Variants in OR51L1 observed in about 807,000 individuals in gnomAD.
The protein encoded by OR51L1 is olfactory receptor 51L1.
OR51L1 carries 1 observed loss-of-function variant against 1.4 expected under a neutral mutation model. The observed-to-expected ratio is 0.72, with a 90% confidence interval of 0.26 to 3.42. The LOEUF (loss-of-function observed/expected upper bound fraction) is 3.42. OR51L1 is among the 30% of genes most tolerant of loss of function. OR51L1 has a pLI of 0.20. For synonymous variants in OR51L1, 156 were observed against 144.2 expected, an observed-to-expected ratio of 1.08 and a Z score of -0.59; for missense variants, 378 against 380.0, an observed-to-expected ratio of 0.99 and a Z score of 0.04.
At position 5,005,208 on chromosome 11, in the gene OR51L1, A is replaced by G. The variant is rs1490435704; in HGVS notation, c.*5278A>G. ...CCTAAAACTCCACACCGATTATGTC[A>G]CTTACAAGTTTATCTTCCCAGGTGC... On this transcript the variant is annotated 3_prime_UTR_variant, in exon 3 of 3. Transcript: ENST00000641819. The G allele has an allele frequency of 6.6e-6, 1 of 152,320 alleles. No individual in the cohort carries two copies. Among genetic ancestry groups the G allele is most frequent in the East Asian group, 1.9e-4 (1 of 5,186 alleles). 9.4% of individuals were successfully genotyped at this position (152,320 alleles called of 1,614,324 possible). A position where few individuals can be genotyped will look rare whatever the true frequency, so the allele number is the denominator to read the frequency against.
In OR51L1 at chr11:4,999,661, G is replaced by T; in HGVS notation, c.679G>T (p.Val227Leu). ...LLSYVLILNT[V>L]LDIASREEQL... ...TTCTTATGTTCTGATTCTTAATACT[G>T]TGCTGGATATTGCATCTCGTGAAGA... Residue 227 changes from valine to leucine, a missense_variant, in exon 3 of 3, where the codon GTG (valine) becomes TTG (leucine). Physicochemically the swap from Val to Leu is conservative, Grantham distance 32. Transcript: ENST00000641819. 2 of 1,613,902 alleles carry T rather than the reference G, an allele frequency of 1.2e-6. No individual in the cohort carries two copies. Among genetic ancestry groups the T allele is most frequent in the Non-Finnish European group, 1.7e-6 (2 of 1,179,954 alleles).
At chr11:4,995,730 G>T (rs1428409738) in intron 1 of OR51L1, among the ~76,000 whole-genome samples, 1 of 151,812 alleles carries the variant, frequency 6.6e-6, no homozygotes, top group Non-Finnish European at 1.5e-5. Flanking sequence ...TTTCTCTTTC[G>T]ACCTCAGTGT....
In OR51L1 at chr11:4,999,562, G is replaced by A; in HGVS notation, c.580G>A (p.Ala194Thr). Residue 194 changes from alanine (A) to threonine (T), a missense_variant, in exon 3 of 3, where the codon GCC becomes ACC. Ala to Thr is a moderately conservative substitution (Grantham distance 58). Coordinates refer to ENST00000641819, the MANE Select transcript of OR51L1 (RefSeq NM_001004755.2). Reference protein sequence around the residue: ...QDVLRLSCTDARTNSIYGLCV... With the variant: ...QDVLRLSCTDTRTNSIYGLCV... ...TGTTCTAAGATTATCCTGTACAGAT[G>A]CCAGGACCAACAGTATTTATGGGCT... 6.2e-7 allele frequency: 1 copy of A among 1,613,912 alleles called. No individual in the cohort carries two copies. The highest frequency in any genetic ancestry group is 1.1e-5 in the South Asian group (1 of 91,080).
Position 5,002,699 on chromosome 11 carries a change from A to G in OR51L1, c.*2769A>G, listed in dbSNP as rs1405126805. 6.6e-6 allele frequency: 1 copy of G among 152,166 alleles called. No individual in the cohort carries two copies. The allele number at this position is 152,166 out of a possible 1,614,324, so 9.4% of individuals were successfully genotyped here. ...AATTTCACTGGGCAATTTTATATCC[A>G]GGACTCCCCGTGATGTTGGACAAGG... On this transcript the variant is annotated 3_prime_UTR_variant, in exon 3 of 3. Transcript: ENST00000641819.
At chr11:4,997,880 T>G (rs1263338178) in intron 2 of OR51L1, among the ~76,000 whole-genome samples, 1 of 152,140 alleles carries the variant, frequency 6.6e-6, no homozygotes, top group African/African-American at 2.4e-5. Context: ...AATTCTGGAT[T>G]GTCATGAGTT....
rs1426550608 is a variant in OR51L1 at position 5,004,748 on chromosome 11, ATAAC to A, written c.*4820_*4823del. On this transcript the variant is annotated 3_prime_UTR_variant, in exon 3 of 3. Coordinates refer to ENST00000641819, the MANE Select transcript of OR51L1 (RefSeq NM_001004755.2). ...TATTTGAAACTGGGACAATAAATAA[ATAAC>A]TGACACATTTGCTGATATTATCAAT... 1.3e-5 allele frequency: 2 copies of A among 152,154 alleles called. No individual in the cohort carries two copies. The highest frequency in any genetic ancestry group is 2.9e-5 in the Non-Finnish European group (2 of 68,008). The allele number at this position is 152,154 out of a possible 1,614,324, so 9.4% of individuals were successfully genotyped here. A position where few individuals can be genotyped will look rare whatever the true frequency, so the allele number is the denominator to read the frequency against.
Position 5,003,165 on chromosome 11 carries a change from G to A in OR51L1, c.*3235G>A, listed in dbSNP as rs146797840. The A allele has an allele frequency of 2.0e-5, 3 of 152,262 alleles. No individual in the cohort carries two copies. Among genetic ancestry groups the A allele is most frequent in the African/African-American group, 4.8e-5 (2 of 41,548 alleles). 9.4% of individuals were successfully genotyped at this position (152,262 alleles called of 1,614,324 possible). ...AAAGTACGCTTGGAAGAGACCCAAGGGTAAATTGAAGGACAAGTGCTGTGT... is the reference window on the plus strand; with the variant it reads ...AAAGTACGCTTGGAAGAGACCCAAGAGTAAATTGAAGGACAAGTGCTGTGT... On this transcript the variant is annotated 3_prime_UTR_variant, in exon 3 of 3. Transcript: ENST00000641819.
At position 5,003,048 on chromosome 11, in the gene OR51L1, G is replaced by T. The variant is rs1189675789; in HGVS notation, c.*3118G>T. Reference sequence around the variant, plus strand: ...TTTGCCTCCTCAGAAGAAAGAAATTGACTGAGGGGCATAAGGCAGAGAAAG... The same window carrying T: ...TTTGCCTCCTCAGAAGAAAGAAATTTACTGAGGGGCATAAGGCAGAGAAAG... On this transcript the variant is annotated 3_prime_UTR_variant, in exon 3 of 3. Coordinates refer to ENST00000641819, the MANE Select transcript of OR51L1 (RefSeq NM_001004755.2). The T allele has an allele frequency of 6.6e-6, 1 of 152,182 alleles. No individual in the cohort carries two copies. The highest frequency in any genetic ancestry group is 1.5e-5 in the Non-Finnish European group (1 of 68,034). 9.4% of individuals were successfully genotyped at this position (152,182 alleles called of 1,614,324 possible). A position where few individuals can be genotyped will look rare whatever the true frequency, so the allele number is the denominator to read the frequency against.
Position 4,999,165 on chromosome 11 carries a change from G to C in OR51L1, c.183G>C (p.Met61Ile). ...TAGAATCCTCTCTCCATCAGCCCAT[G>C]TATTACTTTATTTCCATCTTAGCAG... is the stretch of plus-strand genomic sequence containing the variant. ...IWIESSLHQP[M>I]YYFISILAVN... The change falls in exon 3 of 3, where the codon ATG becomes ATC. Residue 61 changes from methionine (M) to isoleucine (I), a missense_variant. Physicochemically the swap from Met to Ile is conservative, Grantham distance 10 (BLOSUM62 1). Transcript: ENST00000641819. 6.2e-7 allele frequency: 1 copy of C among 1,613,992 alleles called. No homozygotes were observed. The highest frequency in any genetic ancestry group is 8.5e-7 in the Non-Finnish European group (1 of 1,179,880).
intron 2 of OR51L1, among the ~76,000 whole-genome samples, chr11:4,998,280 A>G (rs12420323): frequency 6.7e-6 from 1 of 150,270 alleles, no homozygotes; most frequent in Non-Finnish European, 1.5e-5. Flanking sequence ...TTTACCGTGA[A>G]TTTTTTTTTA....
rs1489340678 is a variant in OR51L1, at chr11:4,999,219, A to G, written c.237A>G (p.Thr79=). The change falls in exon 3 of 3, where the codon ACA becomes ACG. Residue 79 remains threonine (T), a synonymous_variant. Coordinates refer to ENST00000641819, the MANE Select transcript of OR51L1 (RefSeq NM_001004755.2). ...ATGACCTGGGGATGTCCCTGTCTAC[A>G]CTTCCCACCATGCTTGCTGTGTTAT... ...AVNDLGMSLS[T]LPTMLAVLWL... 1 of 1,614,106 alleles carries G rather than the reference A, an allele frequency of 6.2e-7. No homozygotes were observed. The highest frequency in any genetic ancestry group is 1.1e-5 in the South Asian group (1 of 91,078).
Position 4,999,000 on chromosome 11 carries a change from CA to C in OR51L1, c.19del (p.Ser7ValfsTer10). ...AAGTCACTATGGGAGACTGGAATAACAGTGATGCTGTGGAGCCCATATTTAT... is the reference window on the plus strand; with the variant it reads ...AAGTCACTATGGGAGACTGGAATAACGTGATGCTGTGGAGCCCATATTTAT... MGDWNN[S>X]DAVEPIFILR... On this transcript the variant is annotated frameshift_variant, in exon 3 of 3. Transcript: ENST00000641819. LOFTEE classifies it low-confidence loss of function (END_TRUNC). 1 of 1,613,718 alleles carries C rather than the reference CA, an allele frequency of 6.2e-7. No individual in the cohort carries two copies. Among genetic ancestry groups the C allele is most frequent in the Non-Finnish European group, 8.5e-7 (1 of 1,179,760 alleles).
intron 2 of OR51L1, 53 bp from the exon 3 acceptor site, chr11:4,998,771 A>G (rs940155456): frequency 1.9e-6 from 1 of 537,724 alleles, no homozygotes; most frequent in Non-Finnish European, 3.2e-6. Context: ...TGTAGTCCAC[A>G]TTTTTGTTCC....
chr11:5,000,078 A>T lies in OR51L1; in HGVS notation c.*148A>T, dbSNP rs1589829086. The T allele has an allele frequency of 1.2e-6, 1 of 863,316 alleles. No individual in the cohort carries two copies. Among genetic ancestry groups the T allele is most frequent in the Non-Finnish European group, 1.7e-6 (1 of 595,956 alleles). The allele number at this position is 863,316 out of a possible 1,614,324, so 53.5% of individuals were successfully genotyped here. A position where few individuals can be genotyped will look rare whatever the true frequency, so the allele number is the denominator to read the frequency against. Reference sequence around the variant, plus strand: ...TGTAATTTCAGTTAATCTTTAACCAATATGAAACTCAGGATTTTTTTGGAC... The same window carrying T: ...TGTAATTTCAGTTAATCTTTAACCATTATGAAACTCAGGATTTTTTTGGAC... On this transcript the variant is annotated 3_prime_UTR_variant, in exon 3 of 3. Transcript: ENST00000641819.
At chr11:4,997,895 G>A (rs2133660122) in intron 2 of OR51L1, among the ~76,000 whole-genome samples, 1 of 152,274 alleles carries the variant, frequency 6.6e-6, no homozygotes, top group East Asian at 1.9e-4. Flanking sequence ...TGAGTTCACA[G>A]AAGTAGGTGC....
chr11:4,998,905 C>A lies in OR51L1; in HGVS notation c.-78C>A. The A allele has an allele frequency of 1.4e-6, 2 of 1,477,804 alleles. No homozygotes were observed. The highest frequency in any genetic ancestry group is 1.8e-6 in the Non-Finnish European group (2 of 1,089,284). 91.5% of individuals were successfully genotyped at this position (1,477,804 alleles called of 1,614,324 possible). A position where few individuals can be genotyped will look rare whatever the true frequency, so the allele number is the denominator to read the frequency against. ...TTGTCCTCATTCCATTATTTGTACT[C>A]AAAAGAGATAACTTTGAGGGATCAG... On this transcript the variant is annotated 5_prime_UTR_variant, in exon 3 of 3. Coordinates refer to ENST00000641819, the MANE Select transcript of OR51L1 (RefSeq NM_001004755.2).
rs1399784389 is a variant in OR51L1, at chr11:5,001,059, T to A, written c.*1129T>A. 1 of 152,230 alleles carries A rather than the reference T, an allele frequency of 6.6e-6. No individual in the cohort carries two copies. The highest frequency in any genetic ancestry group is 1.5e-5 in the Non-Finnish European group (1 of 68,126). 9.4% of individuals were successfully genotyped at this position (152,230 alleles called of 1,614,324 possible). A position where few individuals can be genotyped will look rare whatever the true frequency, so the allele number is the denominator to read the frequency against. ...TCCCGAATAGCTGGGATGACAGGTC[T>A]GCGCCACCATCCCCAGCTAATTTTT... On this transcript the variant is annotated 3_prime_UTR_variant, in exon 3 of 3. Transcript: ENST00000641819.
At position 5,000,336 on chromosome 11, in the gene OR51L1, A is replaced by G. The variant is rs1479943789; in HGVS notation, c.*406A>G. ...ATCAATCTCTATCTCTTTTACTAGT[A>G]CTGCTGCACGTATTTTGTTGTTCAT... is the stretch of plus-strand genomic sequence containing the variant. On this transcript the variant is annotated 3_prime_UTR_variant, in exon 3 of 3. Coordinates refer to ENST00000641819, the MANE Select transcript of OR51L1 (RefSeq NM_001004755.2). The G allele has an allele frequency of 6.1e-6, 1 of 162,820 alleles. No individual in the cohort carries two copies. Among genetic ancestry groups the G allele is most frequent in the East Asian group, 1.8e-4 (1 of 5,628 alleles). The allele number at this position is 162,820 out of a possible 1,614,324, so 10.1% of individuals were successfully genotyped here.
In OR51L1 at chr11:4,999,639, T is replaced by A; in HGVS notation, c.657T>A (p.Ser219=). 2 of 1,614,048 alleles carry A rather than the reference T, an allele frequency of 1.2e-6. No homozygotes were observed. The highest frequency in any genetic ancestry group is 8.5e-7 in the Non-Finnish European group (1 of 1,179,946). Residue 219 remains serine, a synonymous_variant, in exon 3 of 3, where the codon TCT becomes TCA. Transcript: ENST00000641819. ...LGVDSIFILL[S]YVLILNTVLD... is the part of the protein sequence containing the mutation. Reference sequence around the variant, plus strand: ...TGGATTCAATCTTCATACTTCTTTCTTATGTTCTGATTCTTAATACTGTGC... The same window carrying A: ...TGGATTCAATCTTCATACTTCTTTCATATGTTCTGATTCTTAATACTGTGC...
Sources: allele counts gnomAD v4.1 joint callset (sites outside exome capture counted in the v4.1 genomes callset), GRCh38; gene constraint gnomAD v4.1.1; transcripts MANE v1.5; gene names NCBI Gene and HGNC (gene_info 2026-07-23, HGNC 2026-07-21).